The following H4C2 variants were observed in gnomAD, a reference collection of about 807,000 sequenced individuals.
The protein encoded by H4C2 is histone H4.
A neutral mutation model predicts 5.0 loss-of-function variants in H4C2; 8 were observed. That is an observed-to-expected ratio of 1.61 (90% CI 0.94 to 2.90). The LOEUF is 2.90. Among genes scored for constraint, H4C2 ranks in the 30% most tolerant of loss-of-function variants. H4C2 has a pLI of 0.00. For missense variants in H4C2, 267 were observed against 145.6 expected (o/e 1.83, Z -4.29); for synonymous variants, 145 against 54.0 (o/e 2.69, Z -7.39).
At position 26,027,069 on chromosome 6, in the gene H4C2, A is replaced by G; in HGVS notation, c.184T>C (p.Phe62Leu). 1.2e-6 allele frequency: 2 copies of G among 1,614,178 alleles called. No individual in the cohort carries two copies. The highest frequency in any genetic ancestry group is 8.5e-7 in the Non-Finnish European group (1 of 1,180,016). The change falls in exon 1 of 1, where the codon TTT (phenylalanine) becomes CTT (leucine). Residue 62 changes from phenylalanine (F) to leucine (L), a missense_variant. Phe to Leu is a conservative substitution (Grantham distance 22, BLOSUM62 0). Coordinates refer to ENST00000377745, the MANE Select transcript of H4C2 (RefSeq NM_003544.3). The part of the protein sequence containing the change: ...YEETRGVLKV[F>L]LENVIRDAVT... ...GCGTCCCGGATCACGTTCTCCAGAA[A>G]CACCTTGAGAACGCCACGAGTCTCC...
Position 26,027,257 on chromosome 6 carries a change from A to G in H4C2, c.-5T>C. ...GCCTTTGCCGCGACCAGACATGTCT[A>G]ACCAGCTGACAACAAAAACCAGGTA... On this transcript the variant is annotated 5_prime_UTR_variant, in exon 1 of 1. Transcript: ENST00000377745. The G allele has an allele frequency of 6.3e-7, 1 of 1,592,646 alleles. No individual in the cohort carries two copies. The highest frequency in any genetic ancestry group is 2.3e-5 in the East Asian group (1 of 44,258).
chr6:26,026,963 G>A lies in H4C2; in HGVS notation c.290C>T (p.Thr97Ile). ...AGATTAACCGCCGAAGCCGTACAGA[G>A]TGCGTCCTTGACGCTTGAGCGCGTA... Reference protein sequence around the residue: ...VVYALKRQGRTLYGFGG With the variant: ...VVYALKRQGRILYGFGG Residue 97 changes from threonine (T) to isoleucine (I), a missense_variant, in exon 1 of 1, where the codon ACT becomes ATT. Thr to Ile is a moderately conservative substitution (Grantham distance 89). Transcript: ENST00000377745. 6.2e-7 allele frequency: 1 copy of A among 1,613,594 alleles called. No homozygotes were observed. Among genetic ancestry groups the A allele is most frequent in the Non-Finnish European group, 8.5e-7 (1 of 1,179,604 alleles).
rs773963446 is a variant in H4C2, at chr6:26,026,934, G to A, written c.*7C>T. 16 of 1,601,116 alleles carry A rather than the reference G, an allele frequency of 1.0e-5. No homozygotes were observed. The highest frequency in any genetic ancestry group is 3.4e-5 in the South Asian group (3 of 89,430). On this transcript the variant is annotated 3_prime_UTR_variant, in exon 1 of 1. Coordinates refer to ENST00000377745, the MANE Select transcript of H4C2 (RefSeq NM_003544.3). ...AAAGGGCCATTGGAAGAAAACTGAC[G>A]AAAAGATTAACCGCCGAAGCCGTAC...
chr6:26,026,931 G>GA lies in H4C2; in HGVS notation c.*9dup. On this transcript the variant is annotated 3_prime_UTR_variant, in exon 1 of 1. Transcript: ENST00000377745. The stretch of plus-strand genomic sequence containing the variant: ...TGAAAAGGGCCATTGGAAGAAAACT[G>GA]ACGAAAAGATTAACCGCCGAAGCCG... 1 of 1,599,494 alleles carries GA rather than the reference G, an allele frequency of 6.3e-7. No homozygotes were observed. Among genetic ancestry groups the GA allele is most frequent in the Non-Finnish European group, 8.5e-7 (1 of 1,171,524 alleles).
chr6:26,027,040 C>T lies in H4C2; in HGVS notation c.213G>A (p.Val71=), dbSNP rs764139318. Residue 71 remains valine, a synonymous_variant, in exon 1 of 1, where the codon GTG becomes GTA. Coordinates refer to ENST00000377745, the MANE Select transcript of H4C2 (RefSeq NM_003544.3). The stretch of plus-strand genomic sequence containing the variant: ...TGCGCTTGGCGTGCTCCGTGTAGGT[C>T]ACGGCGTCCCGGATCACGTTCTCCA... The part of the protein sequence containing the change: ...VFLENVIRDA[V]TYTEHAKRKT... 7 of 1,614,194 alleles carry T rather than the reference C, an allele frequency of 4.3e-6. No homozygotes were observed. Among genetic ancestry groups the T allele is most frequent in the Non-Finnish European group, 5.9e-6 (7 of 1,180,014 alleles).
rs1046606537 is a variant in H4C2, at chr6:26,027,093, C to T, written c.160G>A (p.Glu54Lys). ...VKRISGLIYE[E>K]TRGVLKVFLE... is the part of the protein sequence containing the mutation. ...AACACCTTGAGAACGCCACGAGTCT[C>T]CTCATAAATCAAACCGGAAATTCGC... Residue 54 changes from glutamate (E) to lysine (K), a missense_variant, in exon 1 of 1, where the codon GAG becomes AAG. Glu to Lys is a moderately conservative substitution (Grantham distance 56). Coordinates refer to ENST00000377745, the MANE Select transcript of H4C2 (RefSeq NM_003544.3). 14 of 1,614,202 alleles carry T rather than the reference C, an allele frequency of 8.7e-6. No homozygotes were observed. The highest frequency in any genetic ancestry group is 1.1e-5 in the Non-Finnish European group (13 of 1,180,028).
rs778342743 is a variant in H4C2 at position 26,027,242 on chromosome 6, C to CA, written c.10_11insT (p.Arg4LeufsTer6). The CA allele has an allele frequency of 6.2e-7, 1 of 1,604,404 alleles. No homozygotes were observed. Among genetic ancestry groups the CA allele is most frequent in the South Asian group, 1.1e-5 (1 of 90,904 alleles). On this transcript the variant is annotated frameshift_variant, in exon 1 of 1. Transcript: ENST00000377745. LOFTEE classifies it high-confidence loss of function. ...ACCCAAACCTTTACCGCCTTTGCCGCGACCAGACATGTCTAACCAGCTGAC... is the reference window on the plus strand; with the variant it reads ...ACCCAAACCTTTACCGCCTTTGCCGCAGACCAGACATGTCTAACCAGCTGAC...
In H4C2 at chr6:26,027,187, C is replaced by A; in HGVS notation, c.66G>T (p.Val22=). The change falls in exon 1 of 1, where the codon GTG becomes GTT. Residue 22 remains valine, a synonymous_variant. Coordinates refer to ENST00000377745, the MANE Select transcript of H4C2 (RefSeq NM_003544.3). The part of the protein sequence containing the change: ...GKGGAKRHRK[V]LRDNIQGITK... Reference sequence around the variant, plus strand: ...TGATGCCTTGGATGTTATCCCGCAGCACTTTTCGGTGACGCTTGGCACCTC... The same window carrying A: ...TGATGCCTTGGATGTTATCCCGCAGAACTTTTCGGTGACGCTTGGCACCTC... 6.2e-7 allele frequency: 1 copy of A among 1,614,178 alleles called. No homozygotes were observed. The highest frequency in any genetic ancestry group is 2.2e-5 in the East Asian group (1 of 44,888).
In H4C2 at chr6:26,027,097, A is replaced by C; in HGVS notation, c.156T>G (p.Tyr52Ter). The C allele has an allele frequency of 6.2e-7, 1 of 1,614,210 alleles. No homozygotes were observed. The highest frequency in any genetic ancestry group is 8.5e-7 in the Non-Finnish European group (1 of 1,180,028). The change falls in exon 1 of 1, where the codon TAT (tyrosine) becomes TAG (stop). Residue 52 changes from tyrosine to a stop codon, truncating the protein, a stop_gained. Coordinates refer to ENST00000377745, the MANE Select transcript of H4C2 (RefSeq NM_003544.3). LOFTEE classifies it high-confidence loss of function. The stretch of plus-strand genomic sequence containing the variant: ...CCTTGAGAACGCCACGAGTCTCCTC[A>C]TAAATCAAACCGGAAATTCGCTTAA... Reference protein sequence around the residue: ...GGVKRISGLIYEETRGVLKVF... With the variant: ...GGVKRISGLI
At position 26,027,003 on chromosome 6, in the gene H4C2, C is replaced by T. The variant is rs532818487; in HGVS notation, c.250G>A (p.Ala84Thr). The part of the protein sequence containing the change: ...TEHAKRKTVT[A>T]MDVVYALKRQ... ...TTGAGCGCGTAAACCACATCCATGG[C>T]AGTGACAGTCTTGCGCTTGGCGTGC... The change falls in exon 1 of 1, where the codon GCC becomes ACC. Residue 84 changes from alanine (A) to threonine (T), a missense_variant. Physicochemically the swap from Ala to Thr is moderately conservative, Grantham distance 58. Transcript: ENST00000377745. 10 of 1,614,186 alleles carry T rather than the reference C, an allele frequency of 6.2e-6. No homozygotes were observed. The East Asian group carries it at 2.2e-4, about 36-fold the overall frequency.
At position 26,027,005 on chromosome 6, in the gene H4C2, G is replaced by GT. The variant is rs1561916818; in HGVS notation, c.247dup (p.Thr83AsnfsTer?). Reference sequence around the variant, plus strand: ...GAGCGCGTAAACCACATCCATGGCAGTGACAGTCTTGCGCTTGGCGTGCTC... The same window carrying GT: ...GAGCGCGTAAACCACATCCATGGCAGTTGACAGTCTTGCGCTTGGCGTGCTC... On this transcript the variant is annotated frameshift_variant, in exon 1 of 1. Transcript: ENST00000377745. LOFTEE classifies it high-confidence loss of function. The GT allele has an allele frequency of 6.2e-7, 1 of 1,614,210 alleles. No individual in the cohort carries two copies. Among genetic ancestry groups the GT allele is most frequent in the South Asian group, 1.1e-5 (1 of 91,086 alleles).
Position 26,027,074 on chromosome 6 carries a change from T to TA in H4C2, c.178_179insT (p.Lys60IlefsTer?). ...CCGGATCACGTTCTCCAGAAACACC[T>TA]TGAGAACGCCACGAGTCTCCTCATA... On this transcript the variant is annotated frameshift_variant, in exon 1 of 1. Coordinates refer to ENST00000377745, the MANE Select transcript of H4C2 (RefSeq NM_003544.3). LOFTEE classifies it high-confidence loss of function. The TA allele has an allele frequency of 1.2e-6, 2 of 1,614,166 alleles. No individual in the cohort carries two copies. The highest frequency in any genetic ancestry group is 1.7e-6 in the Non-Finnish European group (2 of 1,180,020).
Position 26,027,114 on chromosome 6 carries a change from T to C in H4C2, c.139A>G (p.Ile47Val), listed in dbSNP as rs1334915162. 1.9e-6 allele frequency: 3 copies of C among 1,614,180 alleles called. No individual in the cohort carries two copies. The highest frequency in any genetic ancestry group is 8.5e-7 in the Non-Finnish European group (1 of 1,180,034). Residue 47 changes from isoleucine to valine, a missense_variant, in exon 1 of 1, where the codon ATT becomes GTT. Physicochemically the swap from Ile to Val is conservative, Grantham distance 29 (BLOSUM62 3). Coordinates refer to ENST00000377745, the MANE Select transcript of H4C2 (RefSeq NM_003544.3). ...GTCTCCTCATAAATCAAACCGGAAA[T>C]TCGCTTAACCCCACCACGCCTAGCA... Reference protein sequence around the residue: ...RLARRGGVKRISGLIYEETRG... With the variant: ...RLARRGGVKRVSGLIYEETRG...
Position 26,027,166 on chromosome 6 carries a change from G to T in H4C2, c.87C>A (p.Gly29=). The change falls in exon 1 of 1, where the codon GGC becomes GGA. Residue 29 remains glycine, a synonymous_variant. Coordinates refer to ENST00000377745, the MANE Select transcript of H4C2 (RefSeq NM_003544.3). The part of the protein sequence containing the change: ...HRKVLRDNIQ[G]ITKPAIRRLA... ...GGCGCCGAATGGCCGGTTTGGTGAT[G>T]CCTTGGATGTTATCCCGCAGCACTT... 2.5e-6 allele frequency: 4 copies of T among 1,614,244 alleles called. No individual in the cohort carries two copies. The highest frequency in any genetic ancestry group is 3.4e-6 in the Non-Finnish European group (4 of 1,180,042).
Position 26,027,006 on chromosome 6 carries a change from T to G in H4C2, c.247A>C (p.Thr83Pro), listed in dbSNP as rs762951010. 1 of 1,614,192 alleles carries G rather than the reference T, an allele frequency of 6.2e-7. No individual in the cohort carries two copies. ...AGCGCGTAAACCACATCCATGGCAG[T>G]GACAGTCTTGCGCTTGGCGTGCTCC... ...YTEHAKRKTV[T>P]AMDVVYALKR... is the part of the protein sequence containing the mutation. The change falls in exon 1 of 1, where the codon ACT becomes CCT. Residue 83 changes from threonine to proline, a missense_variant. Transcript: ENST00000377745.
rs1420860104 is a variant in H4C2, at chr6:26,026,994, C to T, written c.259G>A (p.Val87Met). ...CCTTGACGCTTGAGCGCGTAAACCA[C>T]ATCCATGGCAGTGACAGTCTTGCGC... ...AKRKTVTAMD[V>M]VYALKRQGRT... The change falls in exon 1 of 1, where the codon GTG becomes ATG. Residue 87 changes from valine (V) to methionine (M), a missense_variant. Physicochemically the swap from Val to Met is conservative, Grantham distance 21. Coordinates refer to ENST00000377745, the MANE Select transcript of H4C2 (RefSeq NM_003544.3). 3.7e-6 allele frequency: 6 copies of T among 1,614,206 alleles called. No individual in the cohort carries two copies. The South Asian group carries it at 5.5e-5, about 15-fold the overall frequency.
rs1447387342 is a variant in H4C2, at chr6:26,027,133, C to T, written c.120G>A (p.Arg40=). 1.9e-6 allele frequency: 3 copies of T among 1,614,246 alleles called. No individual in the cohort carries two copies. The highest frequency in any genetic ancestry group is 2.5e-6 in the Non-Finnish European group (3 of 1,180,042). The change falls in exon 1 of 1, where the codon AGG becomes AGA. Residue 40 remains arginine, a synonymous_variant. Coordinates refer to ENST00000377745, the MANE Select transcript of H4C2 (RefSeq NM_003544.3). The part of the protein sequence containing the change: ...ITKPAIRRLA[R]RGGVKRISGL... Reference sequence around the variant, plus strand: ...CGGAAATTCGCTTAACCCCACCACGCCTAGCAAGGCGCCGAATGGCCGGTT... The same window carrying T: ...CGGAAATTCGCTTAACCCCACCACGTCTAGCAAGGCGCCGAATGGCCGGTT...
Position 26,027,137 on chromosome 6 carries a change from G to T in H4C2, c.116C>A (p.Ala39Asp). Residue 39 changes from alanine to aspartate, a missense_variant, in exon 1 of 1, where the codon GCT becomes GAT. Ala to Asp is a moderately radical substitution (Grantham distance 126, BLOSUM62 -2). Transcript: ENST00000377745. Reference protein sequence around the residue: ...GITKPAIRRLARRGGVKRISG... With the variant: ...GITKPAIRRLDRRGGVKRISG... ...AATTCGCTTAACCCCACCACGCCTA[G>T]CAAGGCGCCGAATGGCCGGTTTGGT... The T allele has an allele frequency of 1.2e-6, 2 of 1,614,214 alleles. No homozygotes were observed. Among genetic ancestry groups the T allele is most frequent in the Non-Finnish European group, 1.7e-6 (2 of 1,180,028 alleles).
In H4C2 at chr6:26,027,270, CA is replaced by C; in HGVS notation, c.-19del. 6.3e-7 allele frequency: 1 copy of C among 1,582,908 alleles called. No homozygotes were observed. The highest frequency in any genetic ancestry group is 8.6e-7 in the Non-Finnish European group (1 of 1,158,034). On this transcript the variant is annotated 5_prime_UTR_variant, in exon 1 of 1. Coordinates refer to ENST00000377745, the MANE Select transcript of H4C2 (RefSeq NM_003544.3). The stretch of plus-strand genomic sequence containing the variant: ...CCAGACATGTCTAACCAGCTGACAA[CA>C]AAAACCAGGTACGCGAAAAGAAAGC...
Sources: gnomAD v4.1 joint callset for allele counts on GRCh38, gnomAD v4.1.1 for gene constraint, MANE v1.5 for transcripts, NCBI Gene and HGNC (gene_info 2026-07-23, HGNC 2026-07-21) for gene names.